PEX5L: variants seen among roughly 807,000 people sequenced by gnomAD.
PEX5L encodes the protein peroxisomal biogenesis factor 5 like.
A neutral mutation model predicts 84.0 loss-of-function variants in PEX5L; 30 were observed. The ratio of observed to expected loss-of-function variants is 0.36; its 90% confidence interval spans 0.27 to 0.48. PEX5L has a LOEUF of 0.48. Among genes scored for constraint, PEX5L ranks in the 20% least tolerant of loss-of-function variants. The pLI is 0.99. For missense variants in PEX5L, 533 were observed against 754.6 expected (o/e 0.71, Z 3.44); for synonymous variants, 270 against 283.1 (o/e 0.95, Z 0.46).
intron 2 of PEX5L, among the ~76,000 whole-genome samples, chr3:179,947,757 A>G (rs1777983362): frequency 7.1e-6 from 1 of 139,880 alleles, no homozygotes. Flanking sequence ...CCTAGGCTGG[A>G]GTGCAGTGGC....
intron 2 of PEX5L, among the ~76,000 whole-genome samples, chr3:179,934,764 T>C (rs1203363339): frequency 6.6e-6 from 1 of 152,220 alleles, no homozygotes; most frequent in South Asian, 2.1e-4. Flanking sequence ...AAGGGCTCAA[T>C]ACTAATACTC....
At chr3:179,842,283 G>C (rs756405233) in intron 8 of PEX5L, among the ~76,000 whole-genome samples, 1 of 152,310 alleles carries the variant, frequency 6.6e-6, no homozygotes, top group Admixed American at 6.5e-5. Flanking sequence ...CTGTAACTAG[G>C]ACGGGTAGCT....
intron 2 of PEX5L, among the ~76,000 whole-genome samples, chr3:179,915,476 C>T (rs544234695): frequency 6.6e-6 from 1 of 152,188 alleles, no homozygotes. Context: ...TTGAAACCAA[C>T]ACAAATTACC....
At chr3:179,995,518 G>A (rs892443777) in intron 1 of PEX5L, among the ~76,000 whole-genome samples, 4 of 152,082 alleles carry the variant, frequency 2.6e-5, no homozygotes, top group African/African-American at 4.8e-5. Context: ...CTGATTCACT[G>A]CTTGTGAGAG....
chr3:179,923,162 G>T (rs1770215766), intron 2 of PEX5L, among the ~76,000 whole-genome samples: 2 of 151,756 alleles, frequency 1.3e-5, no homozygotes, highest in African/African-American at 4.8e-5. Context: ...TTGGTGGCGG[G>T]CACCTGTAGT....
chr3:180,023,623 C>A (rs1790620869), intron 1 of PEX5L, among the ~76,000 whole-genome samples: 1 of 152,136 alleles, frequency 6.6e-6, no homozygotes, highest in African/African-American at 2.4e-5. Context: ...AATCCTAGAG[C>A]TGGAAGGAAA....
chr3:179,797,601 A>ATAT lies in PEX5L; in HGVS notation c.*4226_*4227insATA, dbSNP rs1467137354. ...TATGAACACTCTTTAAAAAAAAAAA[A>ATAT]AAAAATATATATATATATATATATA... On this transcript the variant is annotated 3_prime_UTR_variant, in exon 15 of 15. Coordinates refer to ENST00000467460, the MANE Select transcript of PEX5L (RefSeq NM_016559.3). 1.1e-3 allele frequency: 121 copies of ATAT among 107,062 alleles called. No homozygotes were observed. The highest frequency in any genetic ancestry group is 3.3e-3 in the African/African-American group (85 of 25,526). The allele number at this position is 107,062 out of a possible 1,614,324, so 6.6% of individuals were successfully genotyped here. A position where few individuals can be genotyped will look rare whatever the true frequency, so the allele number is the denominator to read the frequency against.
chr3:179,898,532 TG>T (rs1760137623), intron 2 of PEX5L, among the ~76,000 whole-genome samples: 1 of 152,216 alleles, frequency 6.6e-6, no homozygotes, highest in African/African-American at 2.4e-5. Context: ...TAACATGACA[TG>T]AATTTTTTGT....
At chr3:179,808,228 T>C in intron 13 of PEX5L, 44 bp downstream of exon 13, 1 of 1,484,414 alleles carries the variant, frequency 6.7e-7, no homozygotes, top group Non-Finnish European at 9.0e-7. Context: ...AACTTATTTG[T>C]TACAGAGAAC....
intron 3 of PEX5L, chr3:179,888,238 G>A (rs1009682038): frequency 9.1e-7 from 1 of 1,093,980 alleles, no homozygotes; most frequent in African/African-American, 1.6e-5. Context: ...GGATCAGTGT[G>A]GGTGGATAAA....
chr3:179,816,052 C>G, intron 9 of PEX5L, 48 bp from the exon 10 acceptor site: 1 of 1,569,744 alleles, frequency 6.4e-7, no homozygotes, highest in Non-Finnish European at 8.7e-7. Context: ...TTTCTCTTCT[C>G]ATTCTCACAT....
At chr3:179,866,583 C>T (rs752067163) in intron 7 of PEX5L, among the ~76,000 whole-genome samples, 5 of 152,154 alleles carry the variant, frequency 3.3e-5, no homozygotes, top group African/African-American at 7.2e-5. Flanking sequence ...CTGGTTAGTG[C>T]CTACCAGGTG....
intron 1 of PEX5L, among the ~76,000 whole-genome samples, chr3:180,005,024 AAACTT>A (rs1255301651): frequency 6.6e-6 from 1 of 152,156 alleles, no homozygotes; most frequent in Admixed American, 6.5e-5. Flanking sequence ...TAAAAATTGA[AAACTT>A]AGCTCGTGAA....
At chr3:179,944,173 A>G (rs1160666115) in intron 2 of PEX5L, among the ~76,000 whole-genome samples, 2 of 152,182 alleles carry the variant, frequency 1.3e-5, no homozygotes, top group African/African-American at 4.8e-5. Flanking sequence ...ATATATCAGA[A>G]ATTTTAGAAA....
At chr3:179,811,217 ATGTGTGTGTGTGTG>A (rs59791968) in intron 11 of PEX5L, among the ~76,000 whole-genome samples, 5 of 150,214 alleles carry the variant, frequency 3.3e-5, no homozygotes, top group East Asian at 3.9e-4. Flanking sequence ...TATGGAATGT[ATGTGTGTGTGTGTG>A]TGTGTGTGTG....
chr3:179,962,160 CAAAT>C (rs1269617193), intron 2 of PEX5L, among the ~76,000 whole-genome samples: 1 of 76,458 alleles, frequency 1.3e-5, no homozygotes, highest in East Asian at 1.6e-3. Context: ...ATCTATCAGA[CAAAT>C]AGACTTTTAG....
chr3:179,852,732 T>G (rs956328562), intron 8 of PEX5L, among the ~76,000 whole-genome samples: 1 of 152,218 alleles, frequency 6.6e-6, no homozygotes, highest in Admixed American at 6.5e-5. Flanking sequence ...ATTTACATAT[T>G]TCATTATTCT....
chr3:179,970,263 T>G (rs760318300), intron 2 of PEX5L, among the ~76,000 whole-genome samples: 6 of 152,170 alleles, frequency 3.9e-5, no homozygotes, highest in Non-Finnish European at 5.9e-5. Context: ...ATTTTACTAG[T>G]TCATTTGCCA....
At chr3:179,991,743 T>A (rs553057685) in intron 1 of PEX5L, among the ~76,000 whole-genome samples, 182 of 152,300 alleles carry the variant, frequency 1.2e-3, no homozygotes, top group African/African-American at 4.3e-3. Flanking sequence ...TAGCTCTTCT[T>A]CTGTCTAAAT....
Sources: allele counts gnomAD v4.1 joint callset (sites outside exome capture counted in the v4.1 genomes callset), GRCh38; gene constraint gnomAD v4.1.1; transcripts MANE v1.5; gene names NCBI Gene and HGNC (gene_info 2026-07-23, HGNC 2026-07-21).